The following EYS variants were observed in gnomAD, a reference collection of about 807,000 sequenced individuals.
EYS encodes the protein protein eyes shut homolog.
EYS carries 250 observed loss-of-function variants against 282.1 expected under a neutral mutation model. That is an observed-to-expected ratio of 0.89 (90% CI 0.80 to 0.98). The LOEUF (loss-of-function observed/expected upper bound fraction) is 0.98, where lower values mean the gene tolerates loss of function less well. Ranked by LOEUF, EYS falls within the 50% of genes least tolerant of loss-of-function variation. The pLI, the probability that EYS is intolerant of heterozygous loss-of-function variation, is 0.00. For synonymous variants in EYS, 1,355 were observed against 1,282.9 expected, an observed-to-expected ratio of 1.06 and a Z score of -1.20; for missense variants, 4,016 against 3,709.0, an observed-to-expected ratio of 1.08 and a Z score of -2.15.
chr6:64,707,086 A>C (rs1284072550), intron 22 of EYS, among the ~76,000 whole-genome samples: 2 of 147,454 alleles, frequency 1.4e-5, no homozygotes, highest in Admixed American at 7.0e-5. Flanking sequence ...TGGACAAAGA[A>C]ATTGTGAGAT....
chr6:65,057,655 T>C lies in EYS; in HGVS notation c.2096A>G (p.Gln699Arg). The C allele has an allele frequency of 4.5e-6, 7 of 1,551,026 alleles. 1 individual carries two copies. Among genetic ancestry groups the C allele is most frequent in the Non-Finnish European group, 6.1e-6 (7 of 1,146,510 alleles). Residue 699 changes from glutamine (Q) to arginine (R), a missense_variant, in exon 13 of 43, where the codon CAA becomes CGA. Coordinates refer to ENST00000503581, the MANE Select transcript of EYS (RefSeq NM_001142800.2). ...PCKNGATCIDQPGNYFCQCVP... is the reference protein window; with the variant it reads ...PCKNGATCIDRPGNYFCQCVP... The stretch of plus-strand genomic sequence containing the variant: ...ACACTGGCAGAAGTAATTACCAGGT[T>C]GGTCAATGCAGGTGGCTCCATTTTT...
At chr6:64,110,246 A>G (rs1387271591) in intron 31 of EYS, among the ~76,000 whole-genome samples, 3 of 152,056 alleles carry the variant, frequency 2.0e-5, no homozygotes, top group Non-Finnish European at 2.9e-5. Flanking sequence ...CACTTCACAT[A>G]AATAATATAG....
At chr6:65,388,654 G>C (rs978158801) in intron 7 of EYS, among the ~76,000 whole-genome samples, 2 of 152,044 alleles carry the variant, frequency 1.3e-5, no homozygotes, top group Non-Finnish European at 2.9e-5. Context: ...TGGTGGCAGA[G>C]AGATAGGCAG....
At chr6:64,692,338 C>T (rs886215803) in intron 22 of EYS, among the ~76,000 whole-genome samples, 11 of 151,444 alleles carry the variant, frequency 7.3e-5, no homozygotes, top group African/African-American at 2.2e-4. Context: ...CATTTTTTAA[C>T]GGGGTTATTA....
intron 2 of EYS, among the ~76,000 whole-genome samples, chr6:65,569,311 C>T (rs1004310910): frequency 2.0e-5 from 3 of 152,034 alleles, no homozygotes; most frequent in Non-Finnish European, 4.4e-5. Flanking sequence ...TTTCCCTTCA[C>T]TGACTCTTTT....
rs977399481 is a variant in EYS at position 64,991,196 on chromosome 6, T to C, written c.2259+6386A>G. ...TTATAAATGTAACATTAAATTATGT[T>C]CAATAAATTCTTAAAGGGAAGATTG... On this transcript the variant is annotated intron_variant, in intron 14 of 42. Transcript: ENST00000503581. Among the ~76,000 whole-genome samples the C allele has an allele frequency of 2.0e-5, 3 of 151,560 alleles. No individual in the cohort carries two copies. In the East Asian group the frequency reaches 5.8e-4, roughly 29 times the overall value.
At chr6:65,352,164 C>T (rs1421543684) in intron 9 of EYS, among the ~76,000 whole-genome samples, 1 of 151,794 alleles carries the variant, frequency 6.6e-6, no homozygotes, top group Non-Finnish European at 1.5e-5. Flanking sequence ...CTACAGTATA[C>T]TATTTTATGA....
chr6:65,407,621 G>T (rs1482036046), intron 5 of EYS, among the ~76,000 whole-genome samples: 1 of 151,956 alleles, frequency 6.6e-6, no homozygotes, highest in Non-Finnish European at 1.5e-5. Context: ...GTCTGAAAAC[G>T]GTATAAACCC....
intron 12 of EYS, among the ~76,000 whole-genome samples, chr6:65,263,197 T>G (rs1475087406): frequency 6.6e-6 from 1 of 151,842 alleles, no homozygotes; most frequent in Non-Finnish European, 1.5e-5. Flanking sequence ...AAAAATTAGC[T>G]GGTCATGGTG....
chr6:65,363,143 G>A (rs1562123442), intron 8 of EYS, among the ~76,000 whole-genome samples: 1 of 151,596 alleles, frequency 6.6e-6, no homozygotes, highest in African/African-American at 2.4e-5. Flanking sequence ...TGATCATCAG[G>A]GCTACAAAAG....
At chr6:64,853,064 G>C (rs1765937878) in intron 19 of EYS, among the ~76,000 whole-genome samples, 1 of 152,266 alleles carries the variant, frequency 6.6e-6, no homozygotes, top group African/African-American at 2.4e-5. Context: ...TATGAAATTA[G>C]AGAGACCCAA....
At chr6:63,748,948 T>C (rs995167205) in intron 41 of EYS, among the ~76,000 whole-genome samples, 2 of 152,184 alleles carry the variant, frequency 1.3e-5, no homozygotes, top group African/African-American at 4.8e-5. Context: ...CTGGATTTGT[T>C]GATCTTTTGA....
chr6:64,255,654 A>G (rs1160827769), intron 30 of EYS, among the ~76,000 whole-genome samples: 2 of 152,102 alleles, frequency 1.3e-5, no homozygotes, highest in African/African-American at 4.8e-5. Flanking sequence ...ACTATATTAT[A>G]AGAATTCAAT....
intron 12 of EYS, among the ~76,000 whole-genome samples, chr6:65,273,831 C>T (rs556470898): frequency 4.6e-5 from 7 of 152,220 alleles, no homozygotes; most frequent in South Asian, 4.1e-4. Context: ...TTTTTGTATG[C>T]GAATCCACTG....
chr6:65,130,271 A>G (rs1363791173), intron 12 of EYS, among the ~76,000 whole-genome samples: 2 of 151,908 alleles, frequency 1.3e-5, no homozygotes, highest in Non-Finnish European at 2.9e-5. Flanking sequence ...CAATATACTT[A>G]TGTAATAAAT....
chr6:65,026,674 T>C (rs1490967818), intron 13 of EYS, among the ~76,000 whole-genome samples: 2 of 152,062 alleles, frequency 1.3e-5, no homozygotes, highest in Non-Finnish European at 2.9e-5. Context: ...TCCCAGCACT[T>C]TGGGAGGCCG....
chr6:65,296,846 T>C (rs926646216), intron 11 of EYS, among the ~76,000 whole-genome samples: 1 of 151,818 alleles, frequency 6.6e-6, no homozygotes, highest in Admixed American at 6.6e-5. Flanking sequence ...TGAAATAGTC[T>C]GCAATTTATG....
At chr6:64,427,917 T>A (rs1285351161) in intron 28 of EYS, among the ~76,000 whole-genome samples, 1 of 152,146 alleles carries the variant, frequency 6.6e-6, no homozygotes, top group Non-Finnish European at 1.5e-5. Flanking sequence ...TTCTAAATGT[T>A]TCTCAAAAGT....
At chr6:63,928,033 G>A (rs1406171679) in intron 35 of EYS, among the ~76,000 whole-genome samples, 2 of 152,230 alleles carry the variant, frequency 1.3e-5, no homozygotes, top group East Asian at 1.9e-4. Context: ...ATTGGTTTCC[G>A]ATGAGCTGTG....
Sources: allele counts gnomAD v4.1 joint callset (sites outside exome capture counted in the v4.1 genomes callset), GRCh38; gene constraint gnomAD v4.1.1; transcripts MANE v1.5; gene names NCBI Gene and HGNC (gene_info 2026-07-23, HGNC 2026-07-21).